LDLRAD4: variants seen among roughly 807,000 people sequenced by gnomAD.
The protein encoded by LDLRAD4 is low-density lipoprotein receptor class A domain-containing protein 4.
LDLRAD4 carries 5 observed loss-of-function variants against 17.0 expected under a neutral mutation model. The ratio of observed to expected loss-of-function variants is 0.29; its 90% confidence interval spans 0.15 to 0.62. LDLRAD4 has a LOEUF of 0.62. LDLRAD4 is among the 20% of genes least tolerant of loss of function. LDLRAD4 has a pLI of 0.84. For missense variants in LDLRAD4, 340 were observed against 424.7 expected, an observed-to-expected ratio of 0.80 and a Z score of 1.75; for synonymous variants, 168 against 171.8, an observed-to-expected ratio of 0.98 and a Z score of 0.17.
In LDLRAD4 at chr18:13,398,352, G is replaced by A. The variant is rs1004475242; in HGVS notation, c.40+10590G>A. 8.5e-5 allele frequency among the ~76,000 whole-genome samples: 13 copies of A among 152,164 alleles called. No homozygotes were observed. Among genetic ancestry groups the A allele is most frequent in the African/African-American group, 2.9e-4 (12 of 41,424 alleles). The stretch of plus-strand genomic sequence containing the variant: ...GAAAGCAGCACAGCGTCACGGTGGT[G>A]ATGCTTGCGTAGCAGTGTGAGAGTG... On this transcript the variant is annotated intron_variant, in intron 2 of 5. Coordinates refer to ENST00000359446, the Ensembl canonical transcript of LDLRAD4. This position sits in a 1 kb window ranked among gnomAD's most constrained non-coding sequence, Gnocchi z 4.8.
Position 13,377,120 on chromosome 18 carries a change from G to A in LDLRAD4, c.-382-10221G>A, listed in dbSNP as rs573548689. 7.9e-5 allele frequency among the ~76,000 whole-genome samples: 12 copies of A among 152,290 alleles called. No homozygotes were observed. The South Asian group carries it at 1.9e-3, about 24-fold the overall frequency. ...CAGAAGGCTTAGTGTGCCGGGCCCC[G>A]CAGGTGGCATTTGATGTGTGTCACA... On this transcript the variant is annotated intron_variant, in intron 1 of 5. Coordinates refer to ENST00000359446, the Ensembl canonical transcript of LDLRAD4.
chr18:13,233,231 C>G (rs141613192), intron 1 of LDLRAD4, among the ~76,000 whole-genome samples: 3 of 152,232 alleles, frequency 2.0e-5, no homozygotes, highest in Non-Finnish European at 4.4e-5. Flanking sequence ...AATGCCATGC[C>G]GTTCAGATAC....
intron 5 of LDLRAD4, 29 bp downstream of exon 6, chr18:13,643,441 G>A (rs1181900391): frequency 8.1e-6 from 6 of 738,742 alleles, no homozygotes; most frequent in Middle Eastern, 4.5e-4. Flanking sequence ...TGATGGCTGC[G>A]GGGGGCGGGG....
At chr18:13,325,775 C>T (rs2081497877) in intron 1 of LDLRAD4, among the ~76,000 whole-genome samples, 1 of 149,788 alleles carries the variant, frequency 6.7e-6, no homozygotes, top group Non-Finnish European at 1.5e-5. Flanking sequence ...TTTTTTGAGA[C>T]GGAGTCTTGC....
chr18:13,521,749 T>G lies in LDLRAD4; in HGVS notation c.181+83365T>G, dbSNP rs180758682. On this transcript the variant is annotated intron_variant, in intron 3 of 5. Coordinates refer to ENST00000359446, the Ensembl canonical transcript of LDLRAD4. ...CCTGCTCTGTTTTGGCATACAAAAA[T>G]TATCTTAAATATGGGCACTCTTGTA... 5 of 151,968 alleles carry G rather than the reference T, an allele frequency of 3.3e-5. No individual in the cohort carries two copies. The East Asian group carries it at 9.6e-4, about 29-fold the overall frequency. The allele number at this position is 151,968 out of a possible 1,614,324, so 9.4% of individuals were successfully genotyped here.
intron 2 of LDLRAD4, among the ~76,000 whole-genome samples, chr18:13,389,232 C>G (rs2086071066): frequency 6.6e-6 from 1 of 152,148 alleles, no homozygotes; most frequent in African/African-American, 2.4e-5. Context: ...AGGAGCAGCT[C>G]CCTCGTGGAT....
intron 1 of LDLRAD4, among the ~76,000 whole-genome samples, chr18:13,262,063 T>C (rs9748644): frequency 0.032 from 3,039 of 96,276 alleles, 1 homozygote; most frequent in Middle Eastern, 0.064. Flanking sequence ...CCCGTGCGGC[T>C]CTGTGCGTGG....
In LDLRAD4 at chr18:13,328,749, CAT is replaced by C. The variant is rs779335496; in HGVS notation, c.-383+50565_-383+50566del. Among the ~76,000 whole-genome samples the C allele has an allele frequency of 3.3e-5, 5 of 152,182 alleles. No homozygotes were observed. The East Asian group carries it at 7.7e-4, about 23-fold the overall frequency. ...GTTTTTAGTCAAGCAGCTCAAAAAA[CAT>C]ATAAAAAGATGTTTATTGAAAAGTT... On this transcript the variant is annotated intron_variant, in intron 1 of 5. Coordinates refer to ENST00000359446, the Ensembl canonical transcript of LDLRAD4.
intron 3 of LDLRAD4, among the ~76,000 whole-genome samples, chr18:13,594,102 C>T (rs186231519): frequency 6.6e-6 from 1 of 152,130 alleles, no homozygotes; most frequent in Non-Finnish European, 1.5e-5. Context: ...TCTTGGGGTC[C>T]CGGAGAGCTC....
At chr18:13,480,671 C>T (rs2093061112) in intron 3 of LDLRAD4, among the ~76,000 whole-genome samples, 1 of 152,174 alleles carries the variant, frequency 6.6e-6, no homozygotes. Context: ...AGGCAGAGAG[C>T]ACGTGAGAAA....
intron 1 of LDLRAD4, among the ~76,000 whole-genome samples, chr18:13,316,066 G>C (rs2080916461): frequency 6.6e-6 from 1 of 152,162 alleles, no homozygotes; most frequent in South Asian, 2.1e-4. Flanking sequence ...GGGGGTGCCA[G>C]CAGGATTTGA....
rs144087176 is a variant in LDLRAD4, at chr18:13,328,468, G to A, written c.-383+50280G>A. ...AAGTGCCTGTTTCTGGCTTCTGGCC[G>A]GAGGCTACACTTCCCAGCCTGTCAG... On this transcript the variant is annotated intron_variant, in intron 1 of 5. Transcript: ENST00000359446. Among the ~76,000 whole-genome samples, 249 of 152,286 alleles carry A rather than the reference G, an allele frequency of 1.6e-3. 5 individuals carry two copies. Among genetic ancestry groups the A allele is most frequent in the East Asian group, 0.015 (80 of 5,180 alleles).
chr18:13,227,154 A>G (rs542591493), intron 1 of LDLRAD4, among the ~76,000 whole-genome samples: 39 of 152,232 alleles, frequency 2.6e-4, no homozygotes, highest in Middle Eastern at 6.8e-3. Flanking sequence ...AAATGTGCTA[A>G]AGTTTTCTGC....
chr18:13,512,133 TG>T (rs1390956940), intron 3 of LDLRAD4, among the ~76,000 whole-genome samples: 1 of 152,248 alleles, frequency 6.6e-6, no homozygotes, highest in African/African-American at 2.4e-5. Flanking sequence ...TTCCTTTTCA[TG>T]GTTGTGTCTC....
intron 3 of LDLRAD4, among the ~76,000 whole-genome samples, chr18:13,577,903 A>G (rs2094798609): frequency 6.6e-6 from 1 of 152,194 alleles, no homozygotes; most frequent in Non-Finnish European, 1.5e-5. Flanking sequence ...GGAATCATGA[A>G]TGGGCTTTTC....
At chr18:13,353,661 C>G (rs1239473006) in intron 1 of LDLRAD4, among the ~76,000 whole-genome samples, 1 of 152,198 alleles carries the variant, frequency 6.6e-6, no homozygotes, top group Non-Finnish European at 1.5e-5. Context: ...AGGCAGTCCT[C>G]AGACAGGTTA....
intron 1 of LDLRAD4, among the ~76,000 whole-genome samples, chr18:13,313,480 A>G (rs552908146): frequency 1.4e-4 from 21 of 152,270 alleles, no homozygotes; most frequent in African/African-American, 4.8e-4. Flanking sequence ...AGAGCGTGCA[A>G]GCTTGAGTCG....
chr18:13,453,270 G>A (rs1229832427), intron 3 of LDLRAD4, among the ~76,000 whole-genome samples: 1 of 152,188 alleles, frequency 6.6e-6, no homozygotes, highest in Non-Finnish European at 1.5e-5. Flanking sequence ...CTGGTGTCCT[G>A]CTGTGTGTGA....
At chr18:13,374,527 C>T (rs1412885394) in intron 1 of LDLRAD4, among the ~76,000 whole-genome samples, 3 of 152,234 alleles carry the variant, frequency 2.0e-5, no homozygotes. Flanking sequence ...TCTGCAGTCA[C>T]CACATCCCCG....
Sources: gnomAD v4.1 joint callset for allele counts (sites outside exome capture counted in the v4.1 genomes callset) on GRCh38, gnomAD v4.1.1 for gene constraint, Gnocchi (gnomAD v3.1) non-coding constraint, MANE v1.5 for transcripts, NCBI Gene and HGNC (gene_info 2026-07-23, HGNC 2026-07-21) for gene names.